Variants in PLSCR2 observed in about 807,000 individuals in gnomAD.
The protein encoded by PLSCR2 is phospholipid scramblase 2.
In PLSCR2, 18 loss-of-function variants were observed where a neutral mutation model predicts 25.3. That is an observed-to-expected ratio of 0.71 (90% CI 0.49 to 1.06). The LOEUF (loss-of-function observed/expected upper bound fraction) is 1.06, where lower values mean the gene tolerates loss of function less well. PLSCR2 is among the 50% of genes least tolerant of loss of function. The pLI is 0.00. For synonymous variants in PLSCR2, 88 were observed against 87.3 expected (o/e 1.01, Z -0.04); for missense variants, 243 against 269.5 (o/e 0.90, Z 0.69).
chr3:146,451,762 T>G (rs114247586), intron 5 of PLSCR2, among the ~76,000 whole-genome samples: 291 of 152,292 alleles, frequency 1.9e-3, no homozygotes, highest in African/African-American at 6.6e-3. Context: ...AAATCAGTCA[T>G]GCCTACATAA....
chr3:146,414,707 A>G (rs1288309675), intron 2 of PLSCR2, among the ~76,000 whole-genome samples: 1 of 152,230 alleles, frequency 6.6e-6, no homozygotes, highest in East Asian at 1.9e-4. Flanking sequence ...TCTAAAGGAC[A>G]GTTTAATTTT....
chr3:146,488,068 T>A (rs538662217), intron 1 of PLSCR2, among the ~76,000 whole-genome samples: 1 of 151,842 alleles, frequency 6.6e-6, no homozygotes, highest in Non-Finnish European at 1.5e-5. Flanking sequence ...AAACAAGAAA[T>A]GGGGAAAGGA....
upstream of PLSCR2, among the ~76,000 whole-genome samples, chr3:146,462,978 T>A (rs1380819100): frequency 2.0e-5 from 3 of 152,180 alleles, no homozygotes; most frequent in East Asian, 5.8e-4. Flanking sequence ...AGGTTAATTA[T>A]CAGATCACAC....
chr3:146,443,846 T>C (rs930938675), intron 6 of PLSCR2, among the ~76,000 whole-genome samples: 3 of 151,938 alleles, frequency 2.0e-5, no homozygotes, highest in Non-Finnish European at 4.4e-5. Context: ...TAAGATTCAT[T>C]GTTAGGTTAT....
At position 146,459,990 on chromosome 3, in the gene PLSCR2, C is replaced by A. The variant is rs571600120; in HGVS notation, c.-86G>T. 57 of 1,613,052 alleles carry A rather than the reference C, an allele frequency of 3.5e-5. No homozygotes were observed. Among genetic ancestry groups the A allele is most frequent in the Non-Finnish European group, 4.5e-5 (53 of 1,179,520 alleles). ...AGGTGGGACTAGGTAGTCATGCTGACGTCCTGGGTAGAAGGCCTGGGAGCC... is the reference window on the plus strand; with the variant it reads ...AGGTGGGACTAGGTAGTCATGCTGAAGTCCTGGGTAGAAGGCCTGGGAGCC... On this transcript the variant is annotated 5_prime_UTR_variant, in exon 2 of 7. Transcript: ENST00000610787.
At chr3:146,491,341 T>A (rs1010149280) in intron 1 of PLSCR2, among the ~76,000 whole-genome samples, 1 of 152,078 alleles carries the variant, frequency 6.6e-6, no homozygotes. Flanking sequence ...TCGGGGATGT[T>A]TTTCTTGTAC....
intron 2 of PLSCR2, among the ~76,000 whole-genome samples, chr3:146,404,825 G>A (rs1332026943): frequency 6.6e-6 from 1 of 150,454 alleles, no homozygotes; most frequent in Non-Finnish European, 1.5e-5. Flanking sequence ...AAAAAAAGGG[G>A]GGGGGTGGTG....
chr3:146,487,745 C>T (rs1442321211), intron 1 of PLSCR2, among the ~76,000 whole-genome samples: 1 of 152,026 alleles, frequency 6.6e-6, no homozygotes, highest in Non-Finnish European at 1.5e-5. Context: ...GGCCAAACTG[C>T]CCAAAATAAT....
chr3:146,467,384 C>T (rs568494926), intron 1 of PLSCR2, among the ~76,000 whole-genome samples: 46 of 152,134 alleles, frequency 3.0e-4, no homozygotes, highest in Admixed American at 3.9e-4. Context: ...ACCCAGACCT[C>T]CCTTGAATAT....
At chr3:146,418,041 G>A (rs542214333) in intron 2 of PLSCR2, among the ~76,000 whole-genome samples, 12 of 152,162 alleles carry the variant, frequency 7.9e-5, no homozygotes, top group African/African-American at 2.6e-4. Context: ...TAGGAGGCTT[G>A]TAATTACATT....
chr3:146,403,109 TA>T (rs1230136513), intron 2 of PLSCR2, among the ~76,000 whole-genome samples: 1 of 150,812 alleles, frequency 6.6e-6, no homozygotes, highest in Non-Finnish European at 1.5e-5. Context: ...TTCAGAGATA[TA>T]CAAAGCAAAT....
chr3:146,455,234 C>G lies in PLSCR2; in HGVS notation c.321+5G>C, dbSNP rs1355502914. 1.3e-6 allele frequency: 2 copies of G among 1,598,912 alleles called. No individual in the cohort carries two copies. Among genetic ancestry groups the G allele is most frequent in the Non-Finnish European group, 1.7e-6 (2 of 1,166,200 alleles). ...TATGAAAAGCTCTAGTAATTGCTCACATACCTCCTGAAGGCAGCAGGGGCA... is the reference window on the plus strand; with the variant it reads ...TATGAAAAGCTCTAGTAATTGCTCAGATACCTCCTGAAGGCAGCAGGGGCA... On this transcript the variant is annotated splice_donor_5th_base_variant and intron_variant, in intron 4 of 6. Transcript: ENST00000610787.
chr3:146,462,572 T>C (rs1327934221), upstream of PLSCR2, among the ~76,000 whole-genome samples: 4 of 151,808 alleles, frequency 2.6e-5, no homozygotes, highest in African/African-American at 9.7e-5. Flanking sequence ...TTCAAGCGAT[T>C]CTCGTGCCTC....
intron 6 of PLSCR2, 76 bp downstream of exon 6, chr3:146,449,130 T>C: frequency 9.5e-7 from 1 of 1,051,558 alleles, no homozygotes; most frequent in South Asian, 1.4e-5. Flanking sequence ...AATCTTAAAA[T>C]GTATAATTTA....
intron 2 of PLSCR2, among the ~76,000 whole-genome samples, chr3:146,414,342 C>T (rs1278803891): frequency 6.6e-6 from 1 of 152,188 alleles, no homozygotes; most frequent in Non-Finnish European, 1.5e-5. Flanking sequence ...CTCTTCAGTG[C>T]AATCCTGGAT....
Position 146,483,427 on chromosome 3 carries a change from TAATATATATATATATACACATGTATG to T in PLSCR2, c.-293+12442_-293+12467del, listed in dbSNP as rs1560054522. Among the ~76,000 whole-genome samples, 135 of 108,470 alleles carry T rather than the reference TAATATATATATATATACACATGTATG, an allele frequency of 1.2e-3. 2 individuals are homozygous for T. The highest frequency in any genetic ancestry group is 4.2e-3 in the African/African-American group (110 of 25,906). 71.2% of individuals were successfully genotyped at this position (108,470 alleles called of 152,430 possible). A position where few individuals can be genotyped will look rare whatever the true frequency, so the allele number is the denominator to read the frequency against. On this transcript the variant is annotated intron_variant, in intron 1 of 8. Coordinates refer to the PLSCR2 transcript ENST00000336685. ...ACACATGTACCCTAGAACTTAAACT[TAATATATATATATATACACATGTATG>T]TATATATATATATATATATACATGT... is the stretch of plus-strand genomic sequence containing the variant.
At chr3:146,462,553 C>T (rs2041654556), upstream of PLSCR2, among the ~76,000 whole-genome samples, 1 of 151,536 alleles carries the variant, frequency 6.6e-6, no homozygotes, top group Admixed American at 6.6e-5. Flanking sequence ...GCAACCTCTG[C>T]CTCCTGCGTT....
upstream of PLSCR2, among the ~76,000 whole-genome samples, chr3:146,461,466 T>G (rs980524012): frequency 3.3e-5 from 5 of 152,114 alleles, no homozygotes; most frequent in Non-Finnish European, 7.4e-5. Flanking sequence ...GTCAATGAGC[T>G]TACAGTTAAC....
At chr3:146,444,108 T>C (rs1290832631) in intron 6 of PLSCR2, among the ~76,000 whole-genome samples, 1 of 151,976 alleles carries the variant, frequency 6.6e-6, no homozygotes, top group African/African-American at 2.4e-5. Context: ...TTTTATTCCA[T>C]TGTGGTCAGA....
Sources: allele counts gnomAD v4.1 joint callset (sites outside exome capture counted in the v4.1 genomes callset), GRCh38; gene constraint gnomAD v4.1.1; transcripts MANE v1.5; gene names NCBI Gene and HGNC (gene_info 2026-07-23, HGNC 2026-07-21).